Variants in SOAT2 observed in about 807,000 individuals in gnomAD.
SOAT2 encodes sterol O-acyltransferase 2.
In SOAT2, 87 loss-of-function variants were observed where a neutral mutation model predicts 76.0. The ratio of observed to expected loss-of-function variants is 1.14; its 90% CI spans 0.96 to 1.37. SOAT2 has a LOEUF of 1.37. Among genes scored for constraint, SOAT2 ranks in the 40% most tolerant of loss-of-function variants. The probability of loss-of-function intolerance (pLI) is 0.00; values close to 1 mark genes in which losing one functional copy is unlikely to be tolerated. For synonymous variants in SOAT2, 285 were observed against 275.4 expected, an observed-to-expected ratio of 1.03 and a Z score of -0.34; for missense variants, 686 against 682.1, an observed-to-expected ratio of 1.01 and a Z score of -0.06.
intron 5 of SOAT2, among the ~76,000 whole-genome samples, chr12:53,112,545 C>CAAAAAAA (rs71095977): frequency 1.8e-3 from 104 of 58,104 alleles, no homozygotes; most frequent in African/African-American, 4.5e-3. Flanking sequence ...AACTCTGTCT[C>CAAAAAAA]AAAAAAAAAA....
At chr12:53,111,343 A>G (rs12230528) in intron 5 of SOAT2, among the ~76,000 whole-genome samples, 28,291 of 151,876 alleles carry the variant, frequency 0.19, 3,352 homozygotes, top group African/African-American at 0.35. Context: ...TCCTGACCTC[A>G]TGATCTGCCT....
At chr12:53,109,844 T>C (rs1202212162) in intron 5 of SOAT2, among the ~76,000 whole-genome samples, 1 of 152,222 alleles carries the variant, frequency 6.6e-6, no homozygotes. Context: ...TTTTAATGTT[T>C]GACCATAAGG....
intron 5 of SOAT2, among the ~76,000 whole-genome samples, chr12:53,108,659 T>C (rs1219890958): frequency 6.6e-6 from 1 of 152,238 alleles, no homozygotes; most frequent in East Asian, 1.9e-4. Flanking sequence ...CTCCTTTTAG[T>C]TCAGTACATG....
At chr12:53,104,044 T>G (rs956830334) in intron 1 of SOAT2, 107 bp from the exon 2 acceptor site, 92 of 931,556 alleles carry the variant, frequency 9.9e-5, no homozygotes, top group East Asian at 3.9e-4. Flanking sequence ...CTGGTTGGGG[T>G]GAGGGCAGCT....
rs144690281 is a variant in SOAT2, at chr12:53,113,972, A to G, written c.444-1418A>G. On this transcript the variant is annotated intron_variant, in intron 5 of 14. Transcript: ENST00000301466. ...CCTGGGGAGTTTCTTCAGACCCCCA[A>G]TAAAACTTGTTTAATCATGCTTTGA... Among the ~76,000 whole-genome samples, 389 of 152,260 alleles carry G rather than the reference A, an allele frequency of 2.6e-3. 1 individual carries two copies. The highest frequency in any genetic ancestry group is 4.0e-3 in the Non-Finnish European group (269 of 68,012).
intron 4 of SOAT2, 76 bp from the exon 5 acceptor site, chr12:53,105,831 T>G (rs1592274831): frequency 2.4e-6 from 3 of 1,251,868 alleles, no homozygotes; most frequent in Non-Finnish European, 3.5e-6. Flanking sequence ...CCATGCCTCA[T>G]GTGTACAGTG....
rs367860195 is a variant in SOAT2 at position 53,123,876 on chromosome 12, A to G, written c.1518+3A>G. 1.2e-6 allele frequency: 2 copies of G among 1,614,068 alleles called. No homozygotes were observed. Among genetic ancestry groups the G allele is most frequent in the Non-Finnish European group, 1.7e-6 (2 of 1,179,998 alleles). On this transcript the variant is annotated splice_donor_region_variant and intron_variant, in intron 14 of 14. Coordinates refer to ENST00000301466, the MANE Select transcript of SOAT2 (RefSeq NM_003578.4). ...GGCGGCACTGCCCCTTACCCCAGGT[A>G]AGAGACCACAACCCTCATCCAGCTC...
intron 5 of SOAT2, among the ~76,000 whole-genome samples, chr12:53,114,721 T>TA (rs796467762): frequency 1.3e-4 from 19 of 151,892 alleles, no homozygotes; most frequent in African/African-American, 2.4e-4. Context: ...ACTCTGTCTC[T>TA]AAAAAAAACA....
chr12:53,115,676 C>G (rs748818127), intron 6 of SOAT2, 22 bp downstream of exon 6: 9 of 1,492,400 alleles, frequency 6.0e-6, no homozygotes, highest in South Asian at 1.3e-5. Flanking sequence ...GCCCTGCTGA[C>G]GGACAGGAAG....
intron 5 of SOAT2, among the ~76,000 whole-genome samples, chr12:53,109,202 A>C (rs1368506511): frequency 6.6e-6 from 1 of 152,136 alleles, no homozygotes; most frequent in African/African-American, 2.4e-5. Context: ...ACGCCACTGC[A>C]CTCCAGCCTG....
intron 11 of SOAT2, 95 bp from the exon 12 acceptor site, chr12:53,121,208 T>C: frequency 2.2e-6 from 2 of 889,136 alleles, no homozygotes; most frequent in South Asian, 2.9e-5. Context: ...TCTGGAACAC[T>C]GGGATAGGGT....
At chr12:53,123,244 G>A in intron 13 of SOAT2, 28 bp downstream of exon 13, 1 of 1,612,888 alleles carries the variant, frequency 6.2e-7, no homozygotes, top group Non-Finnish European at 8.5e-7. Flanking sequence ...CCACTGGAAG[G>A]GAGCCATCCA....
intron 10 of SOAT2, among the ~76,000 whole-genome samples, chr12:53,120,262 G>T (rs1938169575): frequency 6.6e-6 from 1 of 152,200 alleles, no homozygotes; most frequent in Admixed American, 6.5e-5. Context: ...GAGGTCAGGA[G>T]ATCAAGACCA....
rs35658019 is a variant in SOAT2, at chr12:53,120,618, C to CAA, written c.1040-152_1040-151dup. Among the ~76,000 whole-genome samples the CAA allele has an allele frequency of 5.3e-4, 46 of 86,768 alleles. No homozygotes were observed. The East Asian group carries it at 8.7e-3, about 16-fold the overall frequency. The allele number at this position is 86,768 out of a possible 152,430, so 56.9% of individuals were successfully genotyped here. A position where few individuals can be genotyped will look rare whatever the true frequency, so the allele number is the denominator to read the frequency against. On this transcript the variant is annotated intron_variant, in intron 10 of 14. Coordinates refer to ENST00000301466, the MANE Select transcript of SOAT2 (RefSeq NM_003578.4). ...CACACCACTGCAGTCCAGCCTGTCT[C>CAA]AAAAAAAAAAAAAAAAAGGAATGCA...
intron 5 of SOAT2, among the ~76,000 whole-genome samples, chr12:53,108,271 G>A (rs181236094): frequency 1.1e-4 from 17 of 152,260 alleles, no homozygotes; most frequent in African/African-American, 4.1e-4. Context: ...ACCCTGGACA[G>A]GGACTGTGTA....
chr12:53,109,537 A>C (rs1459739299), intron 5 of SOAT2, among the ~76,000 whole-genome samples: 4 of 152,144 alleles, frequency 2.6e-5, no homozygotes, highest in African/African-American at 9.7e-5. Context: ...GCTGGAGTAC[A>C]GTGGCATGAT....
intron 2 of SOAT2, among the ~76,000 whole-genome samples, chr12:53,104,893 C>G (rs903074814): frequency 2.3e-5 from 3 of 129,546 alleles, no homozygotes; most frequent in Non-Finnish European, 4.9e-5. Flanking sequence ...GGGGTCCTAC[C>G]CCACCAGCAG....
chr12:53,122,926 T>C lies in SOAT2; in HGVS notation c.1237-155T>C, dbSNP rs544985550. Among the ~76,000 whole-genome samples the C allele has an allele frequency of 1.7e-3, 255 of 151,744 alleles. 1 individual carries two copies. The highest frequency in any genetic ancestry group is 5.8e-3 in the African/African-American group (238 of 41,376). ...AGGGGCGGCCGGGCAGAGGCGCCCC[T>C]CACCTCCCGGACGGGGCGGCTGGCC... is the stretch of plus-strand genomic sequence containing the variant. On this transcript the variant is annotated intron_variant, in intron 12 of 14. Transcript: ENST00000301466.
At chr12:53,121,549 AT>A in intron 12 of SOAT2, 148 bp downstream of exon 12, 1 of 634,456 alleles carries the variant, frequency 1.6e-6, no homozygotes, top group Non-Finnish European at 2.8e-6. Context: ...TCATTTTCTC[AT>A]TTTACCCAAC....
Sources: gnomAD v4.1 joint callset for allele counts (sites outside exome capture counted in the v4.1 genomes callset) on GRCh38, gnomAD v4.1.1 for gene constraint, MANE v1.5 for transcripts, NCBI Gene and HGNC (gene_info 2026-07-23, HGNC 2026-07-21) for gene names.